CCDC33: variants seen among roughly 807,000 people sequenced by gnomAD.
The protein encoded by CCDC33 is coiled-coil domain-containing protein 33.
In CCDC33, 94 loss-of-function variants were observed where a neutral mutation model predicts 91.9. The observed-to-expected ratio is 1.02, with a 90% confidence interval of 0.87 to 1.21. The LOEUF (loss-of-function observed/expected upper bound fraction) is 1.21, where lower values mean the gene tolerates loss of function less well. Among genes scored for constraint, CCDC33 ranks in the 50% most tolerant of loss-of-function variants. The pLI is 0.00. For missense variants in CCDC33, 940 were observed against 935.5 expected, an observed-to-expected ratio of 1.00 and a Z score of -0.06; for synonymous variants, 396 against 374.5, an observed-to-expected ratio of 1.06 and a Z score of -0.66.
At chr15:74,209,706 A>G in intron 2 of CCDC33, 1 of 472,130 alleles carries the variant, frequency 2.1e-6, no homozygotes. Flanking sequence ...ACCTGAGCAC[A>G]GGCTCTCCCT....
chr15:74,215,092 C>T (rs1389704601), upstream of CCDC33, among the ~76,000 whole-genome samples: 2 of 152,080 alleles, frequency 1.3e-5, no homozygotes, highest in East Asian at 1.9e-4. Context: ...AGTCACTAAC[C>T]CGGGTCACAG....
intron 11 of CCDC33, among the ~76,000 whole-genome samples, chr15:74,307,013 G>A (rs1458748784): frequency 1.3e-5 from 2 of 152,134 alleles, no homozygotes; most frequent in African/African-American, 4.8e-5. Context: ...GCAGGCAGAG[G>A]TGGGACAGCC....
intron 2 of CCDC33, among the ~76,000 whole-genome samples, chr15:74,247,379 C>T (rs761991174): frequency 0.22 from 18,914 of 85,840 alleles, 1,632 homozygotes; most frequent in Non-Finnish European, 0.37. Context: ...TATACACACA[C>T]ACACACACAC....
At chr15:74,253,617 G>C (rs1327311832) in intron 2 of CCDC33, among the ~76,000 whole-genome samples, 1 of 152,178 alleles carries the variant, frequency 6.6e-6, no homozygotes, top group Non-Finnish European at 1.5e-5. Flanking sequence ...GCTGAGCTCA[G>C]AGATGCTTAG....
At chr15:74,270,084 A>G (rs1343798199) in intron 5 of CCDC33, among the ~76,000 whole-genome samples, 1 of 152,158 alleles carries the variant, frequency 6.6e-6, no homozygotes, top group African/African-American at 2.4e-5. Context: ...AATCCTTTGA[A>G]TGTGATGAAG....
chr15:74,330,223 T>C lies in CCDC33; in HGVS notation c.1325T>C (p.Met442Thr), dbSNP rs1378552610. 4 of 1,612,126 alleles carry C rather than the reference T, an allele frequency of 2.5e-6. No homozygotes were observed. Among genetic ancestry groups the C allele is most frequent in the South Asian group, 1.1e-5 (1 of 90,940 alleles). ...MNNYRRAMQK[M>T]AEDILSLRRQ... ...AACTACCGGCGGGCCATGCAGAAGA[T>C]GGCAGAGGACATCCTGTCTCTGCGG... Residue 442 changes from methionine (M) to threonine (T), a missense_variant, in exon 12 of 19, where the codon ATG becomes ACG. Met to Thr is a moderately conservative substitution (Grantham distance 81). Transcript: ENST00000398814.
intron 2 of CCDC33, among the ~76,000 whole-genome samples, chr15:74,225,879 C>T (rs2074779598): frequency 6.6e-6 from 1 of 152,186 alleles, no homozygotes; most frequent in African/African-American, 2.4e-5. Flanking sequence ...CCAGCCACCC[C>T]CAGCCTGGGT....
At chr15:74,250,738 A>G (rs983629560) in intron 2 of CCDC33, among the ~76,000 whole-genome samples, 1 of 152,224 alleles carries the variant, frequency 6.6e-6, no homozygotes, top group African/African-American at 2.4e-5. Context: ...TATCTGGAAC[A>G]TAGGAAGCTG....
At chr15:74,289,463 C>T (rs2142552172) in intron 10 of CCDC33, among the ~76,000 whole-genome samples, 1 of 152,314 alleles carries the variant, frequency 6.6e-6, no homozygotes, top group East Asian at 1.9e-4. Flanking sequence ...CCCATAATCC[C>T]AACACTTTGG....
chr15:74,305,915 A>G (rs1226373930), intron 11 of CCDC33, among the ~76,000 whole-genome samples: 1 of 151,996 alleles, frequency 6.6e-6, no homozygotes, highest in Non-Finnish European at 1.5e-5. Flanking sequence ...CTTCATTGTT[A>G]AGTAGAGGAA....
intron 2 of CCDC33, among the ~76,000 whole-genome samples, chr15:74,219,423 G>T (rs1439320529): frequency 2.0e-5 from 3 of 152,334 alleles, no homozygotes; most frequent in African/African-American, 7.2e-5. Context: ...TTTGACAGGT[G>T]GAGAAACAGG....
At chr15:74,222,482 A>T (rs1339689926) in intron 2 of CCDC33, among the ~76,000 whole-genome samples, 1 of 150,762 alleles carries the variant, frequency 6.6e-6, no homozygotes, top group Non-Finnish European at 1.5e-5. Flanking sequence ...TTCGTTTCCC[A>T]GGAGCCTTTT....
intron 10 of CCDC33, among the ~76,000 whole-genome samples, chr15:74,291,218 C>T (rs2059578591): frequency 1.3e-5 from 2 of 152,212 alleles, no homozygotes; most frequent in African/African-American, 4.8e-5. Flanking sequence ...AGGCAGCAAG[C>T]CCTCTTGGAG....
At position 74,272,927 on chromosome 15, in the gene CCDC33, A is replaced by G. The variant is rs763075217; in HGVS notation, c.759+36A>G. 40 of 1,612,728 alleles carry G rather than the reference A, an allele frequency of 2.5e-5. No homozygotes were observed. The East Asian group carries it at 7.8e-4, about 31-fold the overall frequency. Reference sequence around the variant, plus strand: ...TCCCCAGTGGTTCCAGCTTCCTGTAACTACCCCACACATTCACTGTTCACT... The same window carrying G: ...TCCCCAGTGGTTCCAGCTTCCTGTAGCTACCCCACACATTCACTGTTCACT... On this transcript the variant is annotated intron_variant, in intron 7 of 18. Coordinates refer to ENST00000398814, the MANE Select transcript of CCDC33 (RefSeq NM_025055.5).
At chr15:74,298,301 TGGA>T (rs1282214325) in intron 11 of CCDC33, among the ~76,000 whole-genome samples, 5 of 151,922 alleles carry the variant, frequency 3.3e-5, no homozygotes, top group African/African-American at 4.8e-5. Context: ...ATGATGATGG[TGGA>T]GGAGGAGCAG....
At chr15:74,330,526 T>G in intron 12 of CCDC33, 137 bp from the exon 13 acceptor site, 1 of 1,074,834 alleles carries the variant, frequency 9.3e-7, no homozygotes, top group Non-Finnish European at 1.4e-6. Flanking sequence ...CTGGGTCCTC[T>G]CAGGGATGGG....
intron 14 of CCDC33, 25 bp downstream of exon 14, chr15:74,331,137 G>T: frequency 6.2e-7 from 1 of 1,613,506 alleles, no homozygotes; most frequent in Non-Finnish European, 8.5e-7. Flanking sequence ...GGCTGCCCCC[G>T]AGGCCAACTG....
chr15:74,213,653 T>G (rs1252020439), upstream of CCDC33, among the ~76,000 whole-genome samples: 1 of 152,190 alleles, frequency 6.6e-6, no homozygotes, highest in Non-Finnish European at 1.5e-5. Context: ...GGGTTCCAGT[T>G]TTCCCATTTG....
At chr15:74,239,540 T>C (rs750433656) in intron 1 of CCDC33, among the ~76,000 whole-genome samples, 2 of 152,182 alleles carry the variant, frequency 1.3e-5, no homozygotes, top group Non-Finnish European at 2.9e-5. Flanking sequence ...CCAGGCCCAG[T>C]GGAGTAGCTG....
Sources: gnomAD v4.1 joint callset for allele counts (sites outside exome capture counted in the v4.1 genomes callset) on GRCh38, gnomAD v4.1.1 for gene constraint, MANE v1.5 for transcripts, NCBI Gene and HGNC (gene_info 2026-07-23, HGNC 2026-07-21) for gene names.